Variants in ABCB5 observed in about 807,000 individuals in gnomAD.
ABCB5 encodes the protein ATP-binding cassette sub-family B member 5.
A neutral mutation model predicts 144.2 loss-of-function variants in ABCB5; 155 were observed. The ratio of observed to expected loss-of-function variants is 1.08; its 90% CI spans 0.94 to 1.23. The LOEUF (loss-of-function observed/expected upper bound fraction) is 1.23, where lower values mean the gene tolerates loss of function less well. Ranked by LOEUF, ABCB5 falls within the 50% of genes most tolerant of loss-of-function variation. The probability of loss-of-function intolerance (pLI) is 0.00; values close to 1 mark genes in which losing one functional copy is unlikely to be tolerated. For synonymous variants in ABCB5, 610 were observed against 528.6 expected (o/e 1.15, Z -2.11); for missense variants, 1,830 against 1,520.8 (o/e 1.20, Z -3.38).
At chr7:20,725,975 G>C (rs1459530154) in intron 21 of ABCB5, among the ~76,000 whole-genome samples, 1 of 152,174 alleles carries the variant, frequency 6.6e-6, no homozygotes, top group Non-Finnish European at 1.5e-5. Flanking sequence ...AGAAGGCCAA[G>C]TGTCTACCTG....
chr7:20,645,299 C>T (rs540888975), intron 7 of ABCB5, among the ~76,000 whole-genome samples: 14 of 152,150 alleles, frequency 9.2e-5, no homozygotes, highest in Admixed American at 4.6e-4. Context: ...AGTATTATTC[C>T]GCTTCTGCTA....
At position 20,643,534 on chromosome 7, in the gene ABCB5, A is replaced by T. The variant is rs374933535; in HGVS notation, c.580A>T (p.Ile194Phe). 3 of 1,613,902 alleles carry T rather than the reference A, an allele frequency of 1.9e-6. No individual in the cohort carries two copies. The South Asian group carries it at 3.3e-5, about 18-fold the overall frequency. Reference protein sequence around the residue: ...LLFQNMSTFSIGLAVGLVKGW... With the variant: ...LLFQNMSTFSFGLAVGLVKGW... Reference sequence around the variant, plus strand: ...GTTTCAAAACATGTCTACTTTTTCGATTGGCCTGGCAGTTGGTTTGGTGAA... The same window carrying T: ...GTTTCAAAACATGTCTACTTTTTCGTTTGGCCTGGCAGTTGGTTTGGTGAA... The change falls in exon 7 of 28, where the codon ATT (isoleucine) becomes TTT (phenylalanine). Residue 194 changes from isoleucine to phenylalanine, a missense_variant. Physicochemically the swap from Ile to Phe is conservative, Grantham distance 21. Coordinates refer to ENST00000404938, the MANE Select transcript of ABCB5 (RefSeq NM_001163941.2).
At chr7:20,669,147 T>A (rs111942705) in intron 14 of ABCB5, among the ~76,000 whole-genome samples, 32 of 143,646 alleles carry the variant, frequency 2.2e-4, no homozygotes, top group African/African-American at 8.0e-4. Context: ...ATCCGGGAGG[T>A]GAGGGGCGCT....
chr7:20,623,277 G>A lies in ABCB5; in HGVS notation c.-9G>A. On this transcript the variant is annotated 5_prime_UTR_variant, in exon 2 of 28. Coordinates refer to ENST00000404938, the MANE Select transcript of ABCB5 (RefSeq NM_001163941.2). Reference sequence around the variant, plus strand: ...AATTGTATTTCAGAAGAAGTAAATTGTAAATAAGATGGAAAATTCAGAAAG... The same window carrying A: ...AATTGTATTTCAGAAGAAGTAAATTATAAATAAGATGGAAAATTCAGAAAG... 2.0e-6 allele frequency: 3 copies of A among 1,525,320 alleles called. No homozygotes were observed. The highest frequency in any genetic ancestry group is 2.7e-6 in the Non-Finnish European group (3 of 1,123,128). 94.5% of individuals were successfully genotyped at this position (1,525,320 alleles called of 1,614,324 possible).
rs747891566 is a variant in ABCB5, at chr7:20,727,103, G to C, written c.2689G>C (p.Glu897Gln). 1.9e-6 allele frequency: 3 copies of C among 1,613,606 alleles called. No individual in the cohort carries two copies. In the South Asian group the frequency reaches 3.3e-5, roughly 18 times the overall value. Residue 897 changes from glutamate to glutamine, a missense_variant, in exon 22 of 28, where the codon GAG becomes CAG. Coordinates refer to ENST00000404938, the MANE Select transcript of ABCB5 (RefSeq NM_001163941.2). ...GTCATTAACAAGGGAAAAAGCCTTC[G>C]AGCAAATGTATGAAGAGATGCTTCA... The part of the protein sequence containing the change: ...IVSLTREKAF[E>Q]QMYEEMLQTQ...
intron 9 of ABCB5, among the ~76,000 whole-genome samples, 188 bp downstream of exon 9, chr7:20,646,326 C>T (rs553824424): frequency 9.8e-4 from 150 of 152,286 alleles, no homozygotes; most frequent in African/African-American, 3.3e-3. Flanking sequence ...ATTCATCCAG[C>T]ATGTTTTAGT....
At chr7:20,615,939 G>A (rs887166278) in intron 1 of ABCB5, 102 bp downstream of exon 1, 3 of 152,186 alleles carry the variant, frequency 2.0e-5, no homozygotes, top group African/African-American at 7.2e-5. Flanking sequence ...TGGTAAAGAT[G>A]GAAACAAAAA....
At chr7:20,635,520 T>C (rs553383061) in intron 5 of ABCB5, among the ~76,000 whole-genome samples, 24 of 152,242 alleles carry the variant, frequency 1.6e-4, no homozygotes, top group African/African-American at 5.5e-4. Context: ...TTTAATGATA[T>C]TGATTCTTCA....
rs1357942105 is a variant in ABCB5, at chr7:20,666,978, TTTG to T, written c.1707+8311_1707+8313del. 3 of 921,964 alleles carry T rather than the reference TTTG, an allele frequency of 3.3e-6. No homozygotes were observed. In the African/African-American group the frequency reaches 5.1e-5, roughly 16 times the overall value. The allele number at this position is 921,964 out of a possible 1,614,324, so 57.1% of individuals were successfully genotyped here. A position where few individuals can be genotyped will look rare whatever the true frequency, so the allele number is the denominator to read the frequency against. ...GTCTGAAGCAATTACAGTTGAATAT[TTTG>T]TTGTTGTTCACTATGAGGAGTATAT... On this transcript the variant is annotated intron_variant, in intron 14 of 27. Coordinates refer to ENST00000404938, the MANE Select transcript of ABCB5 (RefSeq NM_001163941.2).
intron 16 of ABCB5, among the ~76,000 whole-genome samples, chr7:20,690,445 T>C (rs1050150364): frequency 6.6e-6 from 1 of 152,188 alleles, no homozygotes; most frequent in Non-Finnish European, 1.5e-5. Flanking sequence ...TATTTACACA[T>C]TTCTTCAGGG....
chr7:20,714,755 T>C (rs1781614388), intron 20 of ABCB5, among the ~76,000 whole-genome samples: 2 of 152,146 alleles, frequency 1.3e-5, no homozygotes, highest in Admixed American at 6.5e-5. Flanking sequence ...CAAGCAAAGA[T>C]ATGCAAGTAC....
chr7:20,752,673 C>G (rs1782967997), intron 26 of ABCB5, among the ~76,000 whole-genome samples: 1 of 152,086 alleles, frequency 6.6e-6, no homozygotes, highest in East Asian at 1.9e-4. Context: ...GTGGTGAAAC[C>G]TCATCTCTAC....
At chr7:20,721,037 A>G (rs541947011) in intron 20 of ABCB5, among the ~76,000 whole-genome samples, 1 of 152,058 alleles carries the variant, frequency 6.6e-6, no homozygotes, top group Non-Finnish European at 1.5e-5. Context: ...TGTGATTCCA[A>G]TGTAGATATC....
chr7:20,751,240 ACT>A (rs1782919330), intron 26 of ABCB5, among the ~76,000 whole-genome samples: 2 of 146,426 alleles, frequency 1.4e-5, no homozygotes, highest in South Asian at 2.1e-4. Context: ...CTAAAGAGAA[ACT>A]CTGTGGTTCT....
chr7:20,651,299 T>C lies in ABCB5; in HGVS notation c.1333-121T>C, dbSNP rs1784575621. ...ATGTTAGAAATATTTTATCAAAATA[T>C]AGTCAGTCTTTGATTTCTAAAATAT... On this transcript the variant is annotated intron_variant, in intron 12 of 27. Coordinates refer to ENST00000404938, the MANE Select transcript of ABCB5 (RefSeq NM_001163941.2). The C allele has an allele frequency of 3.5e-6, 3 of 854,510 alleles. No individual in the cohort carries two copies. The East Asian group carries it at 8.0e-5, about 23-fold the overall frequency. The allele number at this position is 854,510 out of a possible 1,614,324, so 52.9% of individuals were successfully genotyped here.
chr7:20,741,765 G>C (rs924652880), intron 24 of ABCB5, among the ~76,000 whole-genome samples: 11 of 151,886 alleles, frequency 7.2e-5, no homozygotes, highest in African/African-American at 2.4e-4. Flanking sequence ...TTAAAATCCA[G>C]CCATCACTAC....
At chr7:20,724,628 C>CAAAAA (rs34395637) in intron 21 of ABCB5, among the ~76,000 whole-genome samples, 2 of 88,588 alleles carry the variant, frequency 2.3e-5, no homozygotes, top group Non-Finnish European at 4.2e-5. Flanking sequence ...AGCTCTGTCT[C>CAAAAA]AAAAAAAAAA....
chr7:20,669,065 C>A (rs548583534), intron 14 of ABCB5, among the ~76,000 whole-genome samples: 1 of 149,830 alleles, frequency 6.7e-6, no homozygotes, highest in African/African-American at 2.5e-5. Context: ...GTGAGGAGCC[C>A]CTCTGCCTGG....
rs546071467 is a variant in ABCB5, at chr7:20,711,978, G to A, written c.2421+7171G>A. Among the ~76,000 whole-genome samples, 9 of 133,842 alleles carry A rather than the reference G, an allele frequency of 6.7e-5. 1 individual carries two copies. Among genetic ancestry groups the A allele is most frequent in the African/African-American group, 8.4e-5 (3 of 35,568 alleles). 87.8% of individuals were successfully genotyped at this position (133,842 alleles called of 152,430 possible). A position where few individuals can be genotyped will look rare whatever the true frequency, so the allele number is the denominator to read the frequency against. ...TGCTCAGCTGGGCACAGTGGCTTAC[G>A]CCTGTAATCCCAGCACTTTGGGAGG... On this transcript the variant is annotated intron_variant, in intron 20 of 27. Transcript: ENST00000404938.
Sources: gnomAD v4.1 joint callset for allele counts (sites outside exome capture counted in the v4.1 genomes callset) on GRCh38, gnomAD v4.1.1 for gene constraint, MANE v1.5 for transcripts, NCBI Gene and HGNC (gene_info 2026-07-23, HGNC 2026-07-21) for gene names.